N4BP1: variants seen among roughly 807,000 people sequenced by gnomAD.
The protein encoded by N4BP1 is NEDD4-binding protein 1.
Under a neutral mutation model 70.9 loss-of-function variants are expected in N4BP1, and 21 were observed. That is an observed-to-expected ratio of 0.30 (90% CI 0.21 to 0.43). The LOEUF is 0.43. Among genes scored for constraint, N4BP1 ranks in the 20% least tolerant of loss-of-function variants. The probability of loss-of-function intolerance (pLI) is 1.00; values close to 1 mark genes in which losing one functional copy is unlikely to be tolerated. For missense variants in N4BP1, 936 were observed against 1,069.4 expected, an observed-to-expected ratio of 0.88 and a Z score of 1.74; for synonymous variants, 387 against 394.6, an observed-to-expected ratio of 0.98 and a Z score of 0.23.
intron 1 of N4BP1, among the ~76,000 whole-genome samples, chr16:48,570,310 G>C (rs771471464): frequency 2.6e-5 from 4 of 152,104 alleles, no homozygotes; most frequent in Non-Finnish European, 5.9e-5. Context: ...ATTAATGAGG[G>C]GAACAAATGG....
chr16:48,573,964 G>C (rs1391501420), intron 1 of N4BP1, among the ~76,000 whole-genome samples: 1 of 152,126 alleles, frequency 6.6e-6, no homozygotes, highest in African/African-American at 2.4e-5. Flanking sequence ...AGGAGGAGGG[G>C]GATTGGTCTT....
intron 1 of N4BP1, among the ~76,000 whole-genome samples, chr16:48,566,024 G>A (rs938001178): frequency 2.6e-5 from 4 of 152,142 alleles, no homozygotes; most frequent in Middle Eastern, 3.4e-3. Flanking sequence ...GTTGCTAAGA[G>A]ACTTGTTGAT....
intron 1 of N4BP1, among the ~76,000 whole-genome samples, chr16:48,564,351 G>A (rs965348553): frequency 2.6e-5 from 4 of 152,172 alleles, no homozygotes; most frequent in Non-Finnish European, 5.9e-5. Flanking sequence ...TTAAAAGAAG[G>A]TGTGAGGGTT....
At chr16:48,587,278 C>G (rs1964259209) in intron 1 of N4BP1, 1 of 152,182 alleles carries the variant, frequency 6.6e-6, no homozygotes, top group African/African-American at 2.4e-5. Flanking sequence ...ATCCCTTAAG[C>G]AACAGGCTAG....
In N4BP1 at chr16:48,541,057, A is replaced by T. The variant is rs1963491112; in HGVS notation, c.*1847T>A. The T allele has an allele frequency of 6.6e-6, 1 of 152,254 alleles. No individual in the cohort carries two copies. The highest frequency in any genetic ancestry group is 2.4e-5 in the African/African-American group (1 of 41,450). 9.4% of individuals were successfully genotyped at this position (152,254 alleles called of 1,614,324 possible). A position where few individuals can be genotyped will look rare whatever the true frequency, so the allele number is the denominator to read the frequency against. ...ATCAAAGGTCAAGTAGCTTCTAGCC[A>T]GGAAAAGTGGTGGCCCCCTCAGCCT... On this transcript the variant is annotated 3_prime_UTR_variant, in exon 7 of 7. Coordinates refer to ENST00000262384, the MANE Select transcript of N4BP1 (RefSeq NM_153029.4).
intron 4 of N4BP1, among the ~76,000 whole-genome samples, chr16:48,550,448 G>A (rs1963649623): frequency 1.3e-5 from 2 of 152,088 alleles, no homozygotes; most frequent in African/African-American, 4.8e-5. Context: ...CTGAGAGGCG[G>A]AGGTTGCAAT....
intron 1 of N4BP1, among the ~76,000 whole-genome samples, chr16:48,584,999 T>A (rs1308071259): frequency 6.6e-6 from 1 of 152,284 alleles, no homozygotes; most frequent in East Asian, 1.9e-4. Flanking sequence ...TGGCATGATT[T>A]CGGCTCACTG....
chr16:48,577,687 G>T, intron 1 of N4BP1: 1 of 212,256 alleles, frequency 4.7e-6, no homozygotes, highest in Non-Finnish European at 9.9e-6. Context: ...GGCATCAAAG[G>T]TGGTCTTGGC....
chr16:48,545,407 TA>T (rs113024280), intron 6 of N4BP1, among the ~76,000 whole-genome samples: 61,909 of 144,838 alleles, frequency 0.43, 14,244 homozygotes, highest in African/African-American at 0.63. Flanking sequence ...CCGTTTCTGC[TA>T]AAAAAAAAAA....
chr16:48,591,608 G>A (rs963914732), intron 1 of N4BP1, among the ~76,000 whole-genome samples: 12 of 149,220 alleles, frequency 8.0e-5, no homozygotes, highest in African/African-American at 2.7e-4. Context: ...GGATATCCAA[G>A]CTCTATTATT....
chr16:48,549,399 A>G (rs1963633661), intron 4 of N4BP1, among the ~76,000 whole-genome samples: 1 of 152,222 alleles, frequency 6.6e-6, no homozygotes, highest in South Asian at 2.1e-4. Context: ...GAATGAGAAC[A>G]TATATGCATG....
At chr16:48,599,969 CTAT>C (rs1419492901) in intron 1 of N4BP1, among the ~76,000 whole-genome samples, 2 of 152,160 alleles carry the variant, frequency 1.3e-5, no homozygotes, top group Non-Finnish European at 2.9e-5. Flanking sequence ...GTATAGGTTT[CTAT>C]TATTGCAGGC....
At chr16:48,557,855 T>C (rs1010933323) in intron 2 of N4BP1, among the ~76,000 whole-genome samples, 13 of 152,146 alleles carry the variant, frequency 8.5e-5, no homozygotes, top group Admixed American at 6.6e-4. Flanking sequence ...GTATTAGAGG[T>C]AGTTCACTGA....
At chr16:48,588,219 AACAAAAATT>A (rs1411180725) in intron 1 of N4BP1, among the ~76,000 whole-genome samples, 1 of 152,168 alleles carries the variant, frequency 6.6e-6, no homozygotes, top group Non-Finnish European at 1.5e-5. Context: ...GGACGCAATG[AACAAAAATT>A]ACAAAAATCC....
intron 1 of N4BP1, among the ~76,000 whole-genome samples, chr16:48,598,450 T>C (rs1964451801): frequency 6.6e-6 from 1 of 151,422 alleles, no homozygotes. Flanking sequence ...TTGATAGGGG[T>C]GATACAAAAA....
intron 1 of N4BP1, among the ~76,000 whole-genome samples, chr16:48,604,880 C>T (rs950637076): frequency 2.0e-5 from 3 of 152,112 alleles, no homozygotes; most frequent in Non-Finnish European, 2.9e-5. Context: ...CTGACTAATG[C>T]GATACGCATG....
chr16:48,559,935 A>G (rs997289217), intron 2 of N4BP1, among the ~76,000 whole-genome samples: 2 of 152,184 alleles, frequency 1.3e-5, no homozygotes, highest in African/African-American at 4.8e-5. Context: ...TAGTTGTTGA[A>G]ATGATATGGT....
intron 1 of N4BP1, among the ~76,000 whole-genome samples, chr16:48,563,849 T>G (rs935585107): frequency 6.6e-6 from 1 of 152,244 alleles, no homozygotes; most frequent in Non-Finnish European, 1.5e-5. Flanking sequence ...TGTATAGTGA[T>G]CAGAACAGGG....
At chr16:48,604,297 T>C (rs1331869814) in intron 1 of N4BP1, among the ~76,000 whole-genome samples, 2 of 152,168 alleles carry the variant, frequency 1.3e-5, no homozygotes, top group Non-Finnish European at 2.9e-5. Flanking sequence ...ATGCCTGTAA[T>C]CCTAGCACTT....
Sources: allele counts gnomAD v4.1 joint callset (sites outside exome capture counted in the v4.1 genomes callset), GRCh38; gene constraint gnomAD v4.1.1; transcripts MANE v1.5; gene names NCBI Gene and HGNC (gene_info 2026-07-23, HGNC 2026-07-21).